The following GRM7 variants were observed in gnomAD, a reference collection of about 807,000 sequenced individuals.
GRM7 encodes glutamate metabotropic receptor 7, also known as metabotropic glutamate receptor 7.
In GRM7, 35 loss-of-function variants were observed where a neutral mutation model predicts 84.5. That is an observed-to-expected ratio of 0.41 (90% CI 0.32 to 0.55). The LOEUF (loss-of-function observed/expected upper bound fraction) is 0.55. Ranked by LOEUF, GRM7 falls within the 20% of genes least tolerant of loss-of-function variation. The pLI, the probability that GRM7 is intolerant of heterozygous loss-of-function variation, is 0.19. For missense variants in GRM7, 1,003 were observed against 1,194.6 expected, an observed-to-expected ratio of 0.84 and a Z score of 2.36; for synonymous variants, 487 against 455.1, an observed-to-expected ratio of 1.07 and a Z score of -0.89.
At chr3:7,420,245 A>G (rs780123859) in intron 5 of GRM7, among the ~76,000 whole-genome samples, 4 of 151,060 alleles carry the variant, frequency 2.6e-5, no homozygotes, top group Non-Finnish European at 5.9e-5. Context: ...TGCTCAGAAT[A>G]TATGTGCAGA....
intron 2 of GRM7, among the ~76,000 whole-genome samples, chr3:7,245,953 C>T (rs1461819609): frequency 6.6e-6 from 1 of 151,826 alleles, no homozygotes; most frequent in Non-Finnish European, 1.5e-5. Context: ...AAAATATGAA[C>T]ATGATTATTA....
intron 2 of GRM7, among the ~76,000 whole-genome samples, chr3:7,176,746 G>T (rs9881777): frequency 0.06 from 9,074 of 152,060 alleles, 663 homozygotes; most frequent in African/African-American, 0.18. Flanking sequence ...ATTACACCTT[G>T]GTTACATTCC....
intron 1 of GRM7, among the ~76,000 whole-genome samples, chr3:6,996,537 T>A (rs1049189565): frequency 5.3e-5 from 8 of 152,186 alleles, no homozygotes; most frequent in African/African-American, 1.9e-4. Flanking sequence ...ATTGGGAGTT[T>A]GCTCCTGAAC....
At chr3:7,719,823 C>G (rs1701884764) in intron 9 of GRM7, among the ~76,000 whole-genome samples, 1 of 134,850 alleles carries the variant, frequency 7.4e-6, no homozygotes, top group Admixed American at 7.7e-5. Context: ...CACACACACA[C>G]ACAGAAATGA....
chr3:7,285,350 G>T (rs946528412), intron 2 of GRM7, among the ~76,000 whole-genome samples: 1 of 152,092 alleles, frequency 6.6e-6, no homozygotes, highest in Admixed American at 6.6e-5. Flanking sequence ...ACAGTGCACC[G>T]TTTATTGCCT....
chr3:7,540,287 A>G (rs2125014566), intron 7 of GRM7, among the ~76,000 whole-genome samples: 1 of 152,346 alleles, frequency 6.6e-6, no homozygotes, highest in Non-Finnish European at 1.5e-5. Flanking sequence ...ATAAATGTTC[A>G]CAGCACCATT....
intron 7 of GRM7, among the ~76,000 whole-genome samples, chr3:7,533,825 G>A (rs973237105): frequency 1.3e-5 from 2 of 152,044 alleles, no homozygotes; most frequent in African/African-American, 4.8e-5. Context: ...ATTCAAAAGG[G>A]TAATAGGAGC....
At chr3:7,329,107 T>A (rs1701098428) in intron 4 of GRM7, among the ~76,000 whole-genome samples, 1 of 151,930 alleles carries the variant, frequency 6.6e-6, no homozygotes, top group African/African-American at 2.4e-5. Flanking sequence ...TTAGTGTTAA[T>A]CATAACCTGC....
chr3:7,198,128 G>A (rs1421272637), intron 2 of GRM7, among the ~76,000 whole-genome samples: 2 of 147,658 alleles, frequency 1.4e-5, no homozygotes, highest in Non-Finnish European at 3.0e-5. Flanking sequence ...GAAGATTAAT[G>A]AAGTTAAGGA....
intron 2 of GRM7, among the ~76,000 whole-genome samples, chr3:7,203,888 G>A (rs946670189): frequency 6.6e-6 from 1 of 152,026 alleles, no homozygotes; most frequent in African/African-American, 2.4e-5. Context: ...TTGATTCCAG[G>A]CTAACCAGGA....
chr3:7,333,419 C>T (rs1701285626), intron 4 of GRM7, among the ~76,000 whole-genome samples: 2 of 152,196 alleles, frequency 1.3e-5, no homozygotes, highest in Non-Finnish European at 2.9e-5. Flanking sequence ...TAAGAAGCCC[C>T]ATTCCTAGGG....
At chr3:7,518,082 TCAGA>T (rs1329078808) in intron 7 of GRM7, among the ~76,000 whole-genome samples, 1 of 152,174 alleles carries the variant, frequency 6.6e-6, no homozygotes, top group Admixed American at 6.5e-5. Flanking sequence ...AATTCATTTC[TCAGA>T]CAGTCAAAGC....
In GRM7 at chr3:7,335,034, G is replaced by A. The variant is rs189287299; in HGVS notation, c.1033+28382G>A. Among the ~76,000 whole-genome samples, 10 of 152,080 alleles carry A rather than the reference G, an allele frequency of 6.6e-5. No individual in the cohort carries two copies. The East Asian group carries it at 1.9e-3, about 29-fold the overall frequency. The stretch of plus-strand genomic sequence containing the variant: ...ATAGAAAGTCAACAAAGAAACAATG[G>A]GCTTAAGCTATACACTAGAATGAAT... On this transcript the variant is annotated intron_variant, in intron 4 of 9. Coordinates refer to ENST00000357716, the MANE Select transcript of GRM7 (RefSeq NM_000844.4).
intron 1 of GRM7, among the ~76,000 whole-genome samples, chr3:7,039,522 C>G (rs975002064): frequency 1.3e-5 from 2 of 152,058 alleles, no homozygotes; most frequent in African/African-American, 4.8e-5. Context: ...TGCTAATAAG[C>G]CTGTAGTGGC....
intron 5 of GRM7, among the ~76,000 whole-genome samples, chr3:7,442,295 C>T (rs1454742435): frequency 2.6e-5 from 4 of 152,054 alleles, no homozygotes; most frequent in Non-Finnish European, 5.9e-5. Context: ...TATAGAAATG[C>T]TACTAATTTT....
At chr3:6,905,677 A>G (rs1696549530) in intron 1 of GRM7, among the ~76,000 whole-genome samples, 1 of 152,172 alleles carries the variant, frequency 6.6e-6, no homozygotes, top group African/African-American at 2.4e-5. Context: ...TCAGGGAAGT[A>G]ATAAGATTTT....
chr3:7,523,905 T>C (rs2124994838), intron 7 of GRM7, among the ~76,000 whole-genome samples: 1 of 152,212 alleles, frequency 6.6e-6, no homozygotes, highest in South Asian at 2.1e-4. Context: ...AGGGTAAGTA[T>C]GGGTAGTCTC....
chr3:7,553,663 G>A (rs1693608914), intron 7 of GRM7, among the ~76,000 whole-genome samples: 2 of 152,054 alleles, frequency 1.3e-5, no homozygotes. Flanking sequence ...CAAGAGAAGG[G>A]GAGAAAAGCC....
At chr3:7,590,695 G>C (rs914934907) in intron 8 of GRM7, among the ~76,000 whole-genome samples, 6 of 152,110 alleles carry the variant, frequency 3.9e-5, no homozygotes, top group Admixed American at 3.9e-4. Context: ...CTTTATAGGA[G>C]GCTGTCACGC....
Sources: gnomAD v4.1 joint callset for allele counts (sites outside exome capture counted in the v4.1 genomes callset) on GRCh38, gnomAD v4.1.1 for gene constraint, MANE v1.5 for transcripts, NCBI Gene and HGNC (gene_info 2026-07-23, HGNC 2026-07-21) for gene names.